Variants in ENTREP2 observed in about 807,000 individuals in gnomAD.
ENTREP2 encodes the protein protein ENTREP2.
the ENTREP2 span, among the ~76,000 whole-genome samples, chr15:29,255,739 T>G: frequency 5.3e-5 from 8 of 151,994 alleles, no homozygotes; most frequent in Admixed American, 3.9e-4. Flanking sequence ...CGGTGGCTCA[T>G]GCCTGTAATC....
chr15:29,152,814 T>G, the ENTREP2 span, among the ~76,000 whole-genome samples: 6 of 152,234 alleles, frequency 3.9e-5, no homozygotes, highest in Non-Finnish European at 8.8e-5. Flanking sequence ...GGAGCACAAT[T>G]GCTGATTTGT....
chr15:29,597,318 C>T, the ENTREP2 span, among the ~76,000 whole-genome samples: 54 of 152,186 alleles, frequency 3.5e-4, no homozygotes, highest in East Asian at 0.01. Flanking sequence ...CCTGTAATCC[C>T]AGCACTTTGG....
the ENTREP2 span, among the ~76,000 whole-genome samples, chr15:29,444,944 T>C: frequency 2.6e-5 from 4 of 152,182 alleles, no homozygotes; most frequent in Non-Finnish European, 5.9e-5. Context: ...GGTTTAAGGA[T>C]GGATGTATCA....
chr15:29,287,260 C>T, the ENTREP2 span, among the ~76,000 whole-genome samples: 1 of 152,092 alleles, frequency 6.6e-6, no homozygotes, highest in Non-Finnish European at 1.5e-5. Flanking sequence ...AGTCACTTTC[C>T]TTTCACTGTA....
chr15:29,267,282 A>G, the ENTREP2 span: 3 of 152,300 alleles, frequency 2.0e-5, no homozygotes, highest in African/African-American at 7.2e-5. Flanking sequence ...TCCCCCTAAA[A>G]CAATTAACTT....
At chr15:29,252,265 G>T in the ENTREP2 span, 1 of 626,300 alleles carries the variant, frequency 1.6e-6, no homozygotes, top group Non-Finnish European at 2.7e-6. Flanking sequence ...AATTGAAAGT[G>T]TACATGAGAA....
the ENTREP2 span, among the ~76,000 whole-genome samples, chr15:29,646,036 G>A: frequency 1.3e-5 from 2 of 152,164 alleles, no homozygotes; most frequent in Non-Finnish European, 2.9e-5. Context: ...TTTTGGTCTT[G>A]TCTTGAAAGT....
chr15:29,305,157 T>C, the ENTREP2 span, among the ~76,000 whole-genome samples: 1 of 152,334 alleles, frequency 6.6e-6, no homozygotes, highest in African/African-American at 2.4e-5. Context: ...TCAATAAATA[T>C]TGGTTGAATG....
chr15:29,345,967 T>C, the ENTREP2 span, among the ~76,000 whole-genome samples: 11,926 of 152,132 alleles, frequency 0.078, 914 homozygotes, highest in African/African-American at 0.2. Flanking sequence ...CTCACACCAA[T>C]TCCACAAATT....
chr15:29,288,359 G>A, the ENTREP2 span, among the ~76,000 whole-genome samples: 2 of 152,078 alleles, frequency 1.3e-5, no homozygotes, highest in South Asian at 4.1e-4. Context: ...TGACTGTAAC[G>A]CCCAGCACAG....
chr15:29,151,565 G>A, the ENTREP2 span, among the ~76,000 whole-genome samples: 3 of 152,140 alleles, frequency 2.0e-5, no homozygotes, highest in Non-Finnish European at 4.4e-5. Context: ...ATACATCAGC[G>A]GCGCCACGTG....
chr15:29,385,687 G>T, the ENTREP2 span, among the ~76,000 whole-genome samples: 2 of 152,116 alleles, frequency 1.3e-5, no homozygotes, highest in East Asian at 1.9e-4. Flanking sequence ...TCTATGGGAG[G>T]GGGGCAAGGA....
At chr15:29,131,950 C>A in the ENTREP2 span, among the ~76,000 whole-genome samples, 1 of 152,136 alleles carries the variant, frequency 6.6e-6, no homozygotes, top group Non-Finnish European at 1.5e-5. Flanking sequence ...CTGACCTAAG[C>A]CGGAAGGGAA....
At chr15:29,643,495 T>C in the ENTREP2 span, among the ~76,000 whole-genome samples, 2 of 151,250 alleles carry the variant, frequency 1.3e-5, no homozygotes, top group Non-Finnish European at 2.9e-5. Context: ...AAAAAAGACA[T>C]GAAGAGGCTG....
At chr15:29,583,487 G>A in the ENTREP2 span, among the ~76,000 whole-genome samples, 1 of 152,112 alleles carries the variant, frequency 6.6e-6, no homozygotes, top group East Asian at 1.9e-4. Context: ...GGGCATGTCA[G>A]GGGAGAGCAA....
At chr15:29,653,262 C>A in the ENTREP2 span, among the ~76,000 whole-genome samples, 1 of 152,228 alleles carries the variant, frequency 6.6e-6, no homozygotes, top group Non-Finnish European at 1.5e-5. Context: ...CACTCAAGAT[C>A]ATCAGAGTAA....
chr15:29,471,925 T>C, the ENTREP2 span, among the ~76,000 whole-genome samples: 1 of 152,004 alleles, frequency 6.6e-6, no homozygotes, highest in African/African-American at 2.4e-5. Context: ...CATGCACAAC[T>C]CTCTGATTCA....
chr15:29,651,876 G>C, the ENTREP2 span, among the ~76,000 whole-genome samples: 1 of 152,232 alleles, frequency 6.6e-6, no homozygotes, highest in African/African-American at 2.4e-5. Context: ...ACCATGGACA[G>C]CAGCAGGACG....
At chr15:29,577,309 A>C in the ENTREP2 span, among the ~76,000 whole-genome samples, 1 of 70,208 alleles carries the variant, frequency 1.4e-5, no homozygotes, top group Non-Finnish European at 3.5e-5. Context: ...CAGGGACTCA[A>C]AGAGGTGTGT....
Sources: allele counts gnomAD v4.1 joint callset (sites outside exome capture counted in the v4.1 genomes callset), GRCh38; gene constraint gnomAD v4.1.1; transcripts MANE v1.5; gene names NCBI Gene and HGNC (gene_info 2026-07-23, HGNC 2026-07-21).